Variants in MCF2L observed in about 807,000 individuals in gnomAD.
MCF2L encodes MCF.2 cell line derived transforming sequence like, also known as guanine nucleotide exchange factor DBS.
In MCF2L, 97 loss-of-function variants were observed where a neutral mutation model predicts 153.4. That is an observed-to-expected ratio of 0.63 (90% CI 0.54 to 0.75). The LOEUF (loss-of-function observed/expected upper bound fraction) is 0.75, where lower values mean the gene tolerates loss of function less well. MCF2L is among the 30% of genes least tolerant of loss of function. MCF2L has a pLI of 0.00. For synonymous variants in MCF2L, 659 were observed against 632.2 expected, an observed-to-expected ratio of 1.04 and a Z score of -0.64; for missense variants, 1,347 against 1,495.2, an observed-to-expected ratio of 0.90 and a Z score of 1.64.
At chr13:112,931,554 A>C (rs1191466724) in intron 2 of MCF2L, among the ~76,000 whole-genome samples, 2 of 152,152 alleles carry the variant, frequency 1.3e-5, no homozygotes, top group East Asian at 3.9e-4. Context: ...AATACTGTGC[A>C]CATCCCATAG....
intron 18 of MCF2L, chr13:113,084,432 C>G: frequency 2.9e-6 from 1 of 342,618 alleles, no homozygotes; most frequent in South Asian, 4.8e-5. Flanking sequence ...TTAAAACCTT[C>G]TGTGCCCCTA....
upstream of MCF2L, chr13:112,965,670 A>T (rs2081884196): frequency 6.6e-6 from 1 of 152,104 alleles, no homozygotes. Flanking sequence ...CTGCTCCCCT[A>T]GCCTCGGGGT....
chr13:112,926,248 C>T (rs983416871), intron 2 of MCF2L, among the ~76,000 whole-genome samples: 63 of 150,276 alleles, frequency 4.2e-4, no homozygotes, highest in Admixed American at 1.1e-3. Context: ...ATATACACAG[C>T]GGAGTGCACT....
intron 7 of MCF2L, 119 bp downstream of exon 7, chr13:113,065,204 G>A (rs2032176582): frequency 7.8e-7 from 1 of 1,275,108 alleles, no homozygotes; most frequent in Non-Finnish European, 1.1e-6. Context: ...TGTGTCAGCA[G>A]CACGTAAGAC....
Position 113,032,256 on chromosome 13 carries a change from C to T in MCF2L, c.278+7498C>T, listed in dbSNP as rs182236535. ...CAGCCCTTGGAAGAGCCCCACTTCT[C>T]GCTGTGGGTTTGATTTCCTATTGAA... is the stretch of plus-strand genomic sequence containing the variant. On this transcript the variant is annotated intron_variant, in intron 3 of 29. Coordinates refer to ENST00000535094, the MANE Select transcript of MCF2L (RefSeq NM_001112732.3). Among the ~76,000 whole-genome samples, 5 of 152,354 alleles carry T rather than the reference C, an allele frequency of 3.3e-5. No individual in the cohort carries two copies. In the East Asian group the frequency reaches 7.7e-4, roughly 24 times the overall value.
chr13:113,049,494 G>A (rs1469561713), intron 4 of MCF2L, among the ~76,000 whole-genome samples: 1 of 152,240 alleles, frequency 6.6e-6, no homozygotes, highest in Non-Finnish European at 1.5e-5. Flanking sequence ...ACACCAAGTA[G>A]TGGCTGCAGC....
chr13:112,977,574 T>C (rs1218748933), intron 1 of MCF2L, among the ~76,000 whole-genome samples: 2 of 152,222 alleles, frequency 1.3e-5, no homozygotes, highest in Non-Finnish European at 2.9e-5. Context: ...TTTAGATGTT[T>C]AGGACATTGA....
At chr13:113,019,434 C>T (rs998508171) in intron 2 of MCF2L, among the ~76,000 whole-genome samples, 4 of 152,212 alleles carry the variant, frequency 2.6e-5, no homozygotes, top group African/African-American at 7.2e-5. Flanking sequence ...CAGGCTTCAG[C>T]CACAGACAGA....
intron 21 of MCF2L, among the ~76,000 whole-genome samples, chr13:113,086,806 T>G (rs2034677572): frequency 6.6e-6 from 1 of 151,982 alleles, no homozygotes; most frequent in African/African-American, 2.4e-5. Context: ...GATAATTGAG[T>G]ATAAATCAGA....
At chr13:112,988,801 G>A (rs2082762409) in intron 1 of MCF2L, among the ~76,000 whole-genome samples, 1 of 68,732 alleles carries the variant, frequency 1.5e-5, no homozygotes, top group African/African-American at 5.1e-5. Context: ...GCAGGGGATG[G>A]GCTACGACAC....
chr13:113,048,728 C>T (rs1293768463), intron 4 of MCF2L, among the ~76,000 whole-genome samples: 1 of 152,204 alleles, frequency 6.6e-6, no homozygotes, highest in Non-Finnish European at 1.5e-5. Flanking sequence ...AGGTGTGAGC[C>T]ACCGCGCCCG....
At chr13:113,089,501 G>C (rs2034990558) in intron 25 of MCF2L, 109 bp from the exon 26 acceptor site, 1 of 745,502 alleles carries the variant, frequency 1.3e-6, no homozygotes, top group Admixed American at 2.1e-5. Flanking sequence ...GCTGCTTTAG[G>C]ATCAGGCCGG....
intron 1 of MCF2L, among the ~76,000 whole-genome samples, chr13:112,901,502 G>T (rs550736449): frequency 6.6e-6 from 1 of 152,306 alleles, no homozygotes; most frequent in Admixed American, 6.5e-5. Flanking sequence ...GGTCCTGCGG[G>T]TGGGACGCCA....
intron 2 of MCF2L, among the ~76,000 whole-genome samples, chr13:113,018,765 C>T (rs2084694167): frequency 6.6e-6 from 1 of 152,250 alleles, no homozygotes; most frequent in Non-Finnish European, 1.5e-5. Context: ...GTGAAAACCA[C>T]AAAGCTGAAA....
In MCF2L at chr13:112,993,210, C is replaced by T. The variant is rs1033425037; in HGVS notation, c.80-21553C>T. The stretch of plus-strand genomic sequence containing the variant: ...GGGGGAGGATCTGGTGATGGAGACA[C>T]GATGGCACAGCCCCGGTGAAGCCAC... On this transcript the variant is annotated intron_variant, in intron 1 of 29. Transcript: ENST00000535094. This position sits in a 1 kb window ranked among gnomAD's most constrained non-coding sequence, Gnocchi z 4.6. Among the ~76,000 whole-genome samples, 1 of 152,182 alleles carries T rather than the reference C, an allele frequency of 6.6e-6. No homozygotes were observed. The highest frequency in any genetic ancestry group is 1.5e-5 in the Non-Finnish European group (1 of 68,026).
At chr13:112,955,365 C>G (rs982083345) in intron 2 of MCF2L, among the ~76,000 whole-genome samples, 2 of 152,216 alleles carry the variant, frequency 1.3e-5, no homozygotes, top group Admixed American at 1.3e-4. Context: ...GGGAGCCGCA[C>G]CCGATGGGTC....
intron 5 of MCF2L, among the ~76,000 whole-genome samples, chr13:113,061,552 G>A (rs1312133382): frequency 1.2e-4 from 19 of 152,100 alleles, no homozygotes; most frequent in Admixed American, 1.2e-3. Context: ...TACTCCCTGT[G>A]CGCTGGGAAT....
In MCF2L at chr13:113,064,514, C is replaced by A; in HGVS notation, c.606+94C>A. ...ATTACAACACGGCCCTTTCCAAAAA[C>A]ACATTCACATTAACAGTCGTTTTCT... On this transcript the variant is annotated intron_variant, in intron 6 of 29. Transcript: ENST00000535094. This position sits in a 1 kb window ranked among gnomAD's most constrained non-coding sequence, Gnocchi z 6.0. 1.3e-6 allele frequency: 1 copy of A among 763,630 alleles called. No individual in the cohort carries two copies. Among genetic ancestry groups the A allele is most frequent in the Non-Finnish European group, 2.3e-6 (1 of 440,304 alleles). The allele number at this position is 763,630 out of a possible 1,614,324, so 47.3% of individuals were successfully genotyped here.
chr13:113,044,311 T>C, intron 3 of MCF2L: 1 of 323,624 alleles, frequency 3.1e-6, no homozygotes, highest in Admixed American at 4.0e-5. Flanking sequence ...CTGCCTCGTC[T>C]TCATGTCTTG....
Sources: allele counts gnomAD v4.1 joint callset (sites outside exome capture counted in the v4.1 genomes callset), GRCh38; gene constraint gnomAD v4.1.1; non-coding constraint Gnocchi (gnomAD v3.1); transcripts MANE v1.5; gene names NCBI Gene and HGNC (gene_info 2026-07-23, HGNC 2026-07-21).